NR3C2: variants seen among roughly 807,000 people sequenced by gnomAD.
The protein encoded by NR3C2 is mineralocorticoid receptor.
A neutral mutation model predicts 86.4 loss-of-function variants in NR3C2; 15 were observed. That is an observed-to-expected ratio of 0.17 (90% CI 0.12 to 0.27). NR3C2 has a LOEUF of 0.27. NR3C2 is among the 10% of genes least tolerant of loss of function. The pLI, the probability that NR3C2 is intolerant of heterozygous loss-of-function variation, is 1.00. For missense variants in NR3C2, 960 were observed against 1,195.6 expected (o/e 0.80, Z 2.91); for synonymous variants, 458 against 450.5 (o/e 1.02, Z -0.21).
chr4:148,091,774 A>C (rs866158303), intron 8 of NR3C2, among the ~76,000 whole-genome samples: 12 of 152,246 alleles, frequency 7.9e-5, no homozygotes, highest in South Asian at 4.1e-4. Flanking sequence ...GCACTTGTAC[A>C]TCATCAGACA....
chr4:148,172,478 T>C (rs1240686155), intron 4 of NR3C2, among the ~76,000 whole-genome samples: 2 of 152,222 alleles, frequency 1.3e-5, no homozygotes, highest in Admixed American at 6.5e-5. Flanking sequence ...GGAAACTGCA[T>C]TGTCCTGGTG....
At chr4:148,290,981 T>C (rs1040577364) in intron 2 of NR3C2, among the ~76,000 whole-genome samples, 3 of 152,204 alleles carry the variant, frequency 2.0e-5, no homozygotes, top group African/African-American at 7.2e-5. Context: ...CTATTTCCTT[T>C]CATTCACCTT....
intron 2 of NR3C2, among the ~76,000 whole-genome samples, chr4:148,420,169 C>T (rs948937177): frequency 6.6e-6 from 1 of 152,098 alleles, no homozygotes; most frequent in Non-Finnish European, 1.5e-5. Flanking sequence ...TTAACCTGAA[C>T]AACGAATGAA....
chr4:148,106,082 T>G (rs7685078), intron 8 of NR3C2, among the ~76,000 whole-genome samples: 2,143 of 152,292 alleles, frequency 0.014, 56 homozygotes, highest in African/African-American at 0.048. Context: ...TTGTCACTGT[T>G]TGCAGATGAC....
intron 4 of NR3C2, among the ~76,000 whole-genome samples, chr4:148,160,438 G>GACA (rs1734605568): frequency 6.6e-6 from 1 of 152,054 alleles, no homozygotes; most frequent in Admixed American, 6.6e-5. Flanking sequence ...ATACCCTTTT[G>GACA]ACAAGCCACT....
At position 148,110,899 on chromosome 4, in the gene NR3C2, A is replaced by G. The variant is rs967462542; in HGVS notation, c.2799+3205T>C. On this transcript the variant is annotated intron_variant, in intron 8 of 8. Coordinates refer to ENST00000358102, the MANE Select transcript of NR3C2 (RefSeq NM_000901.5). Reference sequence around the variant, plus strand: ...TGAAGGATAGTAATGCTAGAAGGAAACATAGAGAAAAGCTCCATGACACTG... The same window carrying G: ...TGAAGGATAGTAATGCTAGAAGGAAGCATAGAGAAAAGCTCCATGACACTG... Among the ~76,000 whole-genome samples the G allele has an allele frequency of 2.6e-5, 4 of 152,286 alleles. No homozygotes were observed. In the South Asian group the frequency reaches 8.3e-4, roughly 32 times the overall value.
At chr4:148,408,461 C>T (rs1418638581) in intron 2 of NR3C2, among the ~76,000 whole-genome samples, 2 of 151,944 alleles carry the variant, frequency 1.3e-5, no homozygotes, top group Non-Finnish European at 2.9e-5. Context: ...ATCTTGATTC[C>T]CCCACCAAGT....
chr4:148,432,707 T>C (rs970086590), intron 2 of NR3C2, among the ~76,000 whole-genome samples: 3 of 152,120 alleles, frequency 2.0e-5, no homozygotes, highest in African/African-American at 7.2e-5. Flanking sequence ...TTTTAAGAAA[T>C]AGGCAAAAAG....
chr4:148,296,947 T>C (rs61761507), intron 2 of NR3C2, among the ~76,000 whole-genome samples: 1 of 152,220 alleles, frequency 6.6e-6, no homozygotes, highest in African/African-American at 2.4e-5. Context: ...TATATTTATT[T>C]TGACACACAC....
intron 3 of NR3C2, among the ~76,000 whole-genome samples, chr4:148,201,810 C>T (rs1736735474): frequency 6.6e-6 from 1 of 152,176 alleles, no homozygotes. Context: ...TTCAACTCCC[C>T]ATCAGTGTCC....
At chr4:148,180,075 C>T (rs1735572476) in intron 4 of NR3C2, among the ~76,000 whole-genome samples, 1 of 151,778 alleles carries the variant, frequency 6.6e-6, no homozygotes, top group Non-Finnish European at 1.5e-5. Context: ...CATATCCTGC[C>T]TTGGGAGACC....
chr4:148,397,539 C>T (rs922817479), intron 2 of NR3C2, among the ~76,000 whole-genome samples: 13 of 152,164 alleles, frequency 8.5e-5, no homozygotes, highest in Admixed American at 4.6e-4. Context: ...AACACACACA[C>T]AAAGTAACAA....
chr4:148,382,962 C>T (rs10001430), intron 2 of NR3C2, among the ~76,000 whole-genome samples: 15,634 of 152,136 alleles, frequency 0.1, 968 homozygotes, highest in Middle Eastern at 0.3. Context: ...ATGGCTGATG[C>T]CTCAATTTCA....
At chr4:148,200,698 C>G (rs1736677390) in intron 3 of NR3C2, among the ~76,000 whole-genome samples, 1 of 152,140 alleles carries the variant, frequency 6.6e-6, no homozygotes. Context: ...CATGAGTTAT[C>G]ATGAAAATAA....
chr4:148,184,362 G>A (rs1205395042), intron 4 of NR3C2, among the ~76,000 whole-genome samples: 7 of 151,948 alleles, frequency 4.6e-5, no homozygotes, highest in African/African-American at 1.7e-4. Flanking sequence ...GGGAGGCTGA[G>A]GCAGGAGAAT....
At chr4:148,326,133 G>A (rs1258837909) in intron 2 of NR3C2, among the ~76,000 whole-genome samples, 1 of 151,812 alleles carries the variant, frequency 6.6e-6, no homozygotes, top group Non-Finnish European at 1.5e-5. Context: ...GCTCACGCCT[G>A]TAATCCAAGC....
At chr4:148,150,441 T>C (rs1734052612) in intron 6 of NR3C2, among the ~76,000 whole-genome samples, 1 of 152,244 alleles carries the variant, frequency 6.6e-6, no homozygotes, top group African/African-American at 2.4e-5. Context: ...ATTTTCTCTG[T>C]GAGGCGCATC....
intron 6 of NR3C2, among the ~76,000 whole-genome samples, chr4:148,124,502 T>G (rs1041954100): frequency 6.6e-6 from 1 of 152,224 alleles, no homozygotes; most frequent in African/African-American, 2.4e-5. Flanking sequence ...CTTTGGTAGC[T>G]TTAAAATTTT....
intron 4 of NR3C2, among the ~76,000 whole-genome samples, chr4:148,155,710 C>T (rs1734346402): frequency 6.6e-6 from 1 of 150,456 alleles, no homozygotes; most frequent in South Asian, 2.1e-4. Flanking sequence ...AGATTCAATG[C>T]CATCCCCATC....
Sources: allele counts gnomAD v4.1 joint callset (sites outside exome capture counted in the v4.1 genomes callset), GRCh38; gene constraint gnomAD v4.1.1; transcripts MANE v1.5; gene names NCBI Gene and HGNC (gene_info 2026-07-23, HGNC 2026-07-21).